RAB27B: variants seen among roughly 807,000 people sequenced by gnomAD.
RAB27B encodes ras-related protein Rab-27B.
RAB27B carries 15 observed loss-of-function variants against 24.6 expected under a neutral mutation model. The observed-to-expected ratio is 0.61, with a 90% confidence interval of 0.41 to 0.94. RAB27B has a LOEUF of 0.94. Ranked by LOEUF, RAB27B falls within the 40% of genes least tolerant of loss-of-function variation. RAB27B has a pLI of 0.00. For missense variants in RAB27B, 261 were observed against 266.8 expected, an observed-to-expected ratio of 0.98 and a Z score of 0.15; for synonymous variants, 105 against 92.5, an observed-to-expected ratio of 1.14 and a Z score of -0.78.
At chr18:54,793,772 G>A (rs571340037) in intron 2 of RAB27B, among the ~76,000 whole-genome samples, 31 of 152,336 alleles carry the variant, frequency 2.0e-4, no homozygotes, top group South Asian at 1.5e-3. Flanking sequence ...GAAGCCAGGC[G>A]TGGTGATACA....
chr18:54,850,236 T>A (rs1410465619), intron 1 of RAB27B, among the ~76,000 whole-genome samples: 3 of 150,730 alleles, frequency 2.0e-5, no homozygotes, highest in Non-Finnish European at 4.4e-5. Context: ...AATATAATTA[T>A]ATTTGCATAT....
chr18:54,887,964 A>G (rs1364127282), intron 4 of RAB27B, 31 bp from the exon 5 acceptor site: 2 of 1,602,354 alleles, frequency 1.2e-6, no homozygotes, highest in Non-Finnish European at 1.7e-6. Context: ...TTTATCAATA[A>G]CTTGCTGGTT....
intron 2 of RAB27B, among the ~76,000 whole-genome samples, chr18:54,728,669 G>A (rs1909620847): frequency 6.6e-6 from 1 of 151,926 alleles, no homozygotes; most frequent in South Asian, 2.1e-4. Flanking sequence ...GAGGTCAGGG[G>A]TTTGAGACCA....
intron 1 of RAB27B, among the ~76,000 whole-genome samples, chr18:54,859,932 A>C (rs1911946426): frequency 6.6e-6 from 1 of 152,236 alleles, no homozygotes; most frequent in African/African-American, 2.4e-5. Context: ...TTTGTGAAGT[A>C]GAAGTAAAAC....
chr18:54,814,313 A>G (rs1910057234), intron 2 of RAB27B, among the ~76,000 whole-genome samples: 1 of 152,226 alleles, frequency 6.6e-6, no homozygotes, highest in Non-Finnish European at 1.5e-5. Context: ...GATTTATTGA[A>G]TAAAACTATT....
chr18:54,888,416 A>G (rs1913234381), intron 5 of RAB27B, among the ~76,000 whole-genome samples: 1 of 152,162 alleles, frequency 6.6e-6, no homozygotes, highest in Admixed American at 6.6e-5. Flanking sequence ...AGAGAGATTA[A>G]GTAACTGATG....
chr18:54,856,090 C>G (rs1325719243), intron 1 of RAB27B, among the ~76,000 whole-genome samples: 1 of 152,204 alleles, frequency 6.6e-6, no homozygotes, highest in Admixed American at 6.5e-5. Context: ...CAGACGTCAG[C>G]TGGGGAGAAA....
intron 2 of RAB27B, among the ~76,000 whole-genome samples, chr18:54,747,373 G>A (rs920052752): frequency 2.6e-5 from 4 of 152,110 alleles, no homozygotes; most frequent in African/African-American, 4.8e-5. Flanking sequence ...TCCAAATGAC[G>A]TGGATAAACT....
At chr18:54,748,900 G>A (rs191626559) in intron 2 of RAB27B, among the ~76,000 whole-genome samples, 1 of 152,306 alleles carries the variant, frequency 6.6e-6, no homozygotes, top group East Asian at 1.9e-4. Context: ...GAAGAAAGGT[G>A]TACAGACCCA....
chr18:54,793,134 C>T (rs1345225367), intron 2 of RAB27B, among the ~76,000 whole-genome samples: 3 of 150,982 alleles, frequency 2.0e-5, no homozygotes, highest in Non-Finnish European at 4.4e-5. Flanking sequence ...AACATAATGG[C>T]TAACTTATGA....
chr18:54,817,692 C>T lies in RAB27B; in HGVS notation c.-19-59875C>T, dbSNP rs1446485496. ...ATCTGATTAAGTTTATAGCTATTCACTGGCATTCTTGAAGACCCATCCCAT... is the reference window on the plus strand; with the variant it reads ...ATCTGATTAAGTTTATAGCTATTCATTGGCATTCTTGAAGACCCATCCCAT... On this transcript the variant is annotated intron_variant, in intron 2 of 4. Coordinates refer to the RAB27B transcript ENST00000586570. Among the ~76,000 whole-genome samples, 3 of 152,130 alleles carry T rather than the reference C, an allele frequency of 2.0e-5. No homozygotes were observed. The East Asian group carries it at 5.8e-4, about 30-fold the overall frequency.
chr18:54,760,340 A>C (rs1908145104), intron 2 of RAB27B, among the ~76,000 whole-genome samples: 1 of 152,208 alleles, frequency 6.6e-6, no homozygotes, highest in Non-Finnish European at 1.5e-5. Flanking sequence ...AAAGATAACT[A>C]GGAATGCTGA....
chr18:54,783,197 C>T (rs1459465532), intron 2 of RAB27B, among the ~76,000 whole-genome samples: 1 of 151,864 alleles, frequency 6.6e-6, no homozygotes, highest in Non-Finnish European at 1.5e-5. Flanking sequence ...GAACTCCTGA[C>T]CTCAAGTGAT....
At chr18:54,844,073 C>T (rs1353037639) in intron 1 of RAB27B, among the ~76,000 whole-genome samples, 1 of 152,110 alleles carries the variant, frequency 6.6e-6, no homozygotes. Context: ...ATAAGGGTGC[C>T]ACTTCGAGAA....
intron 2 of RAB27B, among the ~76,000 whole-genome samples, chr18:54,720,906 A>AG (rs1909339556): frequency 6.6e-6 from 1 of 152,134 alleles, no homozygotes; most frequent in African/African-American, 2.4e-5. Context: ...ATGTAACTTG[A>AG]GATTTTCCCA....
intron 2 of RAB27B, among the ~76,000 whole-genome samples, chr18:54,785,899 A>G (rs1353976218): frequency 6.6e-6 from 1 of 152,236 alleles, no homozygotes; most frequent in African/African-American, 2.4e-5. Flanking sequence ...CTTATCTTTC[A>G]GTTGTGACTA....
At chr18:54,838,469 C>T (rs570957466) in intron 1 of RAB27B, among the ~76,000 whole-genome samples, 6 of 152,216 alleles carry the variant, frequency 3.9e-5, no homozygotes, top group Non-Finnish European at 8.8e-5. Flanking sequence ...CATCTGGGTG[C>T]TTCACACTCT....
At chr18:54,794,319 AT>A (rs1909346668) in intron 2 of RAB27B, among the ~76,000 whole-genome samples, 1 of 152,188 alleles carries the variant, frequency 6.6e-6, no homozygotes, top group Non-Finnish European at 1.5e-5. Context: ...AGGTGAACAC[AT>A]TTGCATATTT....
chr18:54,808,998 A>G (rs913777195), intron 2 of RAB27B, among the ~76,000 whole-genome samples: 7 of 152,230 alleles, frequency 4.6e-5, no homozygotes, highest in Admixed American at 1.3e-4. Flanking sequence ...TTTCCTTAGG[A>G]AAGACAGTTG....
Sources: gnomAD v4.1 joint callset for allele counts (sites outside exome capture counted in the v4.1 genomes callset) on GRCh38, gnomAD v4.1.1 for gene constraint, MANE v1.5 for transcripts, NCBI Gene and HGNC (gene_info 2026-07-23, HGNC 2026-07-21) for gene names.